The following GCNT1 variants were observed in gnomAD, a reference collection of about 807,000 sequenced individuals.
The protein encoded by GCNT1 is glucosaminyl (N-acetyl) transferase 1.
Under a neutral mutation model 26.2 loss-of-function variants are expected in GCNT1, and 16 were observed. The observed-to-expected ratio is 0.61, with a 90% CI of 0.41 to 0.93. The LOEUF (loss-of-function observed/expected upper bound fraction) is 0.93. Ranked by LOEUF, GCNT1 falls within the 40% of genes least tolerant of loss-of-function variation. The probability of loss-of-function intolerance (pLI) is 0.00; values close to 1 mark genes in which losing one functional copy is unlikely to be tolerated. For missense variants in GCNT1, 477 were observed against 526.7 expected (o/e 0.91, Z 0.92); for synonymous variants, 183 against 190.8 (o/e 0.96, Z 0.34).
chr9:76,503,424 A>G lies in GCNT1; in HGVS notation c.1043A>G (p.Gln348Arg). Reference sequence around the variant, plus strand: ...CATAAGTATGATCTGTCTGACATGCAAGCAGTTGCCAGGTTTGTCAAGTGG... The same window carrying G: ...CATAAGTATGATCTGTCTGACATGCGAGCAGTTGCCAGGTTTGTCAAGTGG... Reference protein sequence around the residue: ...ASHKYDLSDMQAVARFVKWQY... With the variant: ...ASHKYDLSDMRAVARFVKWQY... The change falls in exon 4 of 4, where the codon CAA (glutamine) becomes CGA (arginine). Residue 348 changes from glutamine to arginine, a missense_variant. Physicochemically the swap from Gln to Arg is conservative, Grantham distance 43 (BLOSUM62 1). Transcript: ENST00000376730. The G allele has an allele frequency of 6.2e-7, 1 of 1,614,142 alleles. No homozygotes were observed. The highest frequency in any genetic ancestry group is 1.1e-5 in the South Asian group (1 of 91,080).
intron 2 of GCNT1, among the ~76,000 whole-genome samples, chr9:76,469,663 G>A (rs1443208280): frequency 6.6e-6 from 1 of 152,096 alleles, no homozygotes; most frequent in African/African-American, 2.4e-5. Flanking sequence ...CATCCCTCTG[G>A]ATCAGGCAGG....
intron 2 of GCNT1, among the ~76,000 whole-genome samples, chr9:76,465,461 G>A (rs1823974681): frequency 6.6e-6 from 1 of 152,164 alleles, no homozygotes; most frequent in Non-Finnish European, 1.5e-5. Flanking sequence ...TTGCTGTGTA[G>A]AGAATAGTTT....
intron 1 of GCNT1, among the ~76,000 whole-genome samples, chr9:76,430,121 C>A (rs1823316421): frequency 6.6e-6 from 1 of 152,054 alleles, no homozygotes. Flanking sequence ...CCTTTGGTGG[C>A]AAAAGAGACA....
the GCNT1 span, among the ~76,000 whole-genome samples, chr9:76,412,228 A>G: frequency 1.3e-5 from 2 of 150,200 alleles, 1 homozygote; most frequent in Admixed American, 1.3e-4. Flanking sequence ...AGAAGCATAC[A>G]TAAGCATAAG....
At chr9:76,419,516 C>G (rs939149770), upstream of GCNT1, among the ~76,000 whole-genome samples, 1 of 152,034 alleles carries the variant, frequency 6.6e-6, no homozygotes, top group African/African-American at 2.4e-5. Context: ...CGAAAATTAG[C>G]CAGGCATGGG....
upstream of GCNT1, among the ~76,000 whole-genome samples, chr9:76,415,101 C>G (rs1325929420): frequency 1.3e-5 from 2 of 152,132 alleles, no homozygotes; most frequent in South Asian, 4.2e-4. Flanking sequence ...TTCTGTTGCC[C>G]AGGCTGGAGT....
At chr9:76,417,456 C>A (rs1823142668), upstream of GCNT1, among the ~76,000 whole-genome samples, 1 of 152,190 alleles carries the variant, frequency 6.6e-6, no homozygotes, top group Non-Finnish European at 1.5e-5. Context: ...TTTATACATG[C>A]ACTCATTACT....
the GCNT1 span, chr9:76,393,915 TC>T: frequency 1.6e-6 from 1 of 608,666 alleles, no homozygotes; most frequent in East Asian, 3.2e-5. Flanking sequence ...AGGGACAAGC[TC>T]CCTCAACCGA....
chr9:76,405,345 T>G, the GCNT1 span, among the ~76,000 whole-genome samples: 2 of 150,876 alleles, frequency 1.3e-5, no homozygotes, highest in Non-Finnish European at 3.0e-5. Flanking sequence ...CATCCTGCAC[T>G]AGGCACTAGA....
At position 76,507,281 on chromosome 9, in the gene GCNT1, A is replaced by T. The variant is rs1825264177; in HGVS notation, c.*3613A>T. 6.0e-6 allele frequency: 1 copy of T among 167,108 alleles called. No homozygotes were observed. The highest frequency in any genetic ancestry group is 2.4e-5 in the African/African-American group (1 of 41,462). 10.4% of individuals were successfully genotyped at this position (167,108 alleles called of 1,614,324 possible). A position where few individuals can be genotyped will look rare whatever the true frequency, so the allele number is the denominator to read the frequency against. ...ACGATTTTTAAGTAAGTTGGGGACC[A>T]TCAGTTTAAAATAAATGCAATACTA... is the stretch of plus-strand genomic sequence containing the variant. On this transcript the variant is annotated 3_prime_UTR_variant, in exon 4 of 4. Coordinates refer to ENST00000376730, the MANE Select transcript of GCNT1 (RefSeq NM_001490.5).
At chr9:76,470,100 C>T (rs1217854198) in intron 2 of GCNT1, among the ~76,000 whole-genome samples, 1 of 151,850 alleles carries the variant, frequency 6.6e-6, no homozygotes, top group Non-Finnish European at 1.5e-5. Context: ...AGTCCAAGTC[C>T]TGTGTGTGTG....
chr9:76,425,560 A>C (rs576680845), intron 1 of GCNT1, among the ~76,000 whole-genome samples: 46 of 152,268 alleles, frequency 3.0e-4, no homozygotes, highest in African/African-American at 1.0e-3. Context: ...TTTACTCAAA[A>C]TATGGACAAC....
At chr9:76,485,333 C>T (rs1252450505) in intron 2 of GCNT1, among the ~76,000 whole-genome samples, 4 of 151,886 alleles carry the variant, frequency 2.6e-5, no homozygotes, top group South Asian at 4.2e-4. Flanking sequence ...CCACCACACC[C>T]GGCTAATTTT....
chr9:76,416,729 G>C (rs1044825269), upstream of GCNT1, among the ~76,000 whole-genome samples: 1 of 152,212 alleles, frequency 6.6e-6, no homozygotes, highest in African/African-American at 2.4e-5. Flanking sequence ...TTTTGAATAA[G>C]ATGAAAAAGC....
At chr9:76,502,156 ACTCTCT>A (rs71499157) in intron 3 of GCNT1, 77 bp from the exon 4 acceptor site, 16 of 150,314 alleles carry the variant, frequency 1.1e-4, no homozygotes, top group African/African-American at 2.6e-4. Context: ...ATTGTGAAAA[ACTCTCT>A]CTCTCTCTCT....
the GCNT1 span, among the ~76,000 whole-genome samples, chr9:76,407,387 C>G: frequency 6.6e-6 from 1 of 151,944 alleles, no homozygotes; most frequent in Admixed American, 6.6e-5. Context: ...CCATTTTCTC[C>G]TTTGCTCCTT....
intron 1 of GCNT1, among the ~76,000 whole-genome samples, chr9:76,430,390 C>CT (rs1564221356): frequency 2.8e-3 from 418 of 150,664 alleles, no homozygotes; most frequent in African/African-American, 9.3e-3. Flanking sequence ...ACAGAACACT[C>CT]ATTTTTTTTT....
the GCNT1 span, among the ~76,000 whole-genome samples, chr9:76,400,684 G>C: frequency 6.6e-6 from 1 of 152,152 alleles, no homozygotes. Context: ...CCTAGCATGA[G>C]ACAATGCTAC....
At chr9:76,438,999 CTCTTT>C (rs1350570440), upstream of GCNT1, among the ~76,000 whole-genome samples, 1 of 152,150 alleles carries the variant, frequency 6.6e-6, no homozygotes, top group African/African-American at 2.4e-5. Context: ...GACCACAACA[CTCTTT>C]TCTTTTCTCG....
Sources: allele counts gnomAD v4.1 joint callset (sites outside exome capture counted in the v4.1 genomes callset), GRCh38; gene constraint gnomAD v4.1.1; transcripts MANE v1.5; gene names NCBI Gene and HGNC (gene_info 2026-07-23, HGNC 2026-07-21).